CCDC88C: variants seen among roughly 807,000 people sequenced by gnomAD.
CCDC88C encodes coiled-coil and HOOK domain protein 88C, also known as protein Daple.
A neutral mutation model predicts 198.8 loss-of-function variants in CCDC88C; 131 were observed. The ratio of observed to expected loss-of-function variants is 0.66; its 90% CI spans 0.57 to 0.76. CCDC88C has a LOEUF of 0.76. Among genes scored for constraint, CCDC88C ranks in the 30% least tolerant of loss-of-function variants. The pLI is 0.00. For missense variants in CCDC88C, 2,553 were observed against 2,631.6 expected, an observed-to-expected ratio of 0.97 and a Z score of 0.65; for synonymous variants, 1,166 against 1,114.7, an observed-to-expected ratio of 1.05 and a Z score of -0.92.
rs549023833 is a variant in CCDC88C, at chr14:91,273,316, G to C, written c.5396C>G (p.Ala1799Gly). The change falls in exon 30 of 30, where the codon GCC becomes GGC. Residue 1799 changes from alanine to glycine, a missense_variant. Ala to Gly is a moderately conservative substitution (Grantham distance 60, BLOSUM62 0). Around this residue, in one of 2 missense-constraint regions of CCDC88C, gnomAD observed 1,293 missense variants for 1,219.6 expected, o/e 1.06. Transcript: ENST00000389857. This position sits in a 1 kb window ranked among gnomAD's most constrained non-coding sequence, Gnocchi z 5.6. ...CAGGCTGAAGGCCCGGCTCAAGGAG[G>C]CACTGCGGCTGGCAGGTGCATGGGA... ...PASHAPASRS[A>G]SLSRAFSLAS... 5.8e-6 allele frequency: 9 copies of C among 1,555,124 alleles called. No individual in the cohort carries two copies. Among genetic ancestry groups the C allele is most frequent in the Admixed American group, 1.9e-5 (1 of 52,032 alleles).
At chr14:91,375,547 C>A (rs893831432) in intron 3 of CCDC88C, among the ~76,000 whole-genome samples, 2 of 152,160 alleles carry the variant, frequency 1.3e-5, no homozygotes, top group African/African-American at 4.8e-5. Context: ...GAAGGGCAGG[C>A]GCACAGACCC....
At chr14:91,342,069 TCAACCAGTTGA>T (rs1393721109) in intron 6 of CCDC88C, 1 of 250,330 alleles carries the variant, frequency 4.0e-6, no homozygotes, top group African/African-American at 2.3e-5. Flanking sequence ...ACTCTGGGCC[TCAACCAGTTGA>T]CAGCTCTTAA....
intron 4 of CCDC88C, among the ~76,000 whole-genome samples, chr14:91,354,035 C>T (rs527983697): frequency 4.6e-5 from 7 of 152,294 alleles, no homozygotes; most frequent in African/African-American, 1.2e-4. Flanking sequence ...ATCTGTCTTG[C>T]GCCTATGGGG....
rs1323261409 is a variant in CCDC88C, at chr14:91,381,724, CTTG to C, written c.271-22016_271-22014del. Reference sequence around the variant, plus strand: ...TGGCGCGTGCATGTAATTCCAGGTACTTGGGAGGCTGAGGCAGGAGAATCGCTT... The same window carrying C: ...TGGCGCGTGCATGTAATTCCAGGTACGGAGGCTGAGGCAGGAGAATCGCTT... On this transcript the variant is annotated intron_variant, in intron 3 of 29. Coordinates refer to ENST00000389857, the MANE Select transcript of CCDC88C (RefSeq NM_001080414.4). This position sits in a 1 kb window ranked among gnomAD's most constrained non-coding sequence, Gnocchi z 4.2. Among the ~76,000 whole-genome samples the C allele has an allele frequency of 1.3e-5, 2 of 152,178 alleles. No homozygotes were observed. Among genetic ancestry groups the C allele is most frequent in the African/African-American group, 4.8e-5 (2 of 41,438 alleles).
chr14:91,405,439 C>A (rs535556356), intron 3 of CCDC88C, among the ~76,000 whole-genome samples: 1 of 152,154 alleles, frequency 6.6e-6, no homozygotes, highest in South Asian at 2.1e-4. Context: ...TCAGGACCTT[C>A]GGGGCTACTT....
At chr14:91,329,005 G>A (rs578087913) in intron 10 of CCDC88C, among the ~76,000 whole-genome samples, 3 of 152,322 alleles carry the variant, frequency 2.0e-5, no homozygotes, top group South Asian at 4.1e-4. Context: ...GGGGGCCATA[G>A]CAGCAGGAGG....
At position 91,347,884 on chromosome 14, in the gene CCDC88C, C is replaced by T. The variant is rs369353442; in HGVS notation, c.341-4227G>A. ...ATGCTGCTATAAAGACACATGCACA[C>T]GTACGTTTATAGTGGCACTATTCAC... On this transcript the variant is annotated intron_variant, in intron 4 of 29. Coordinates refer to ENST00000389857, the MANE Select transcript of CCDC88C (RefSeq NM_001080414.4). Among the ~76,000 whole-genome samples the T allele has an allele frequency of 2.0e-4, 31 of 152,294 alleles. No individual in the cohort carries two copies. The South Asian group carries it at 6.2e-3, about 31-fold the overall frequency.
In CCDC88C at chr14:91,297,317, GTC is replaced by G. The variant is rs774388939; in HGVS notation, c.3952_3953del (p.Asp1318GlnfsTer4). 2 of 1,613,216 alleles carry G rather than the reference GTC, an allele frequency of 1.2e-6. No individual in the cohort carries two copies. The highest frequency in any genetic ancestry group is 2.2e-5 in the South Asian group (2 of 90,850). Reference sequence around the variant, plus strand: ...GCGCTGGCCTCACCTCACAGTGGTTGTCCAGCTTGGTCAGCGAGATGTCCATG... The same window carrying G: ...GCGCTGGCCTCACCTCACAGTGGTTGCAGCTTGGTCAGCGAGATGTCCATG... ...QTMDISLTKL[D>X]NHCELLSRLK... On this transcript the variant is annotated frameshift_variant, in exon 22 of 30. Transcript: ENST00000389857. LOFTEE classifies it high-confidence loss of function.
chr14:91,282,011 C>G (rs560691685), intron 26 of CCDC88C, among the ~76,000 whole-genome samples: 43 of 152,294 alleles, frequency 2.8e-4, no homozygotes, highest in Non-Finnish European at 5.6e-4. Context: ...AGCTCCTGAC[C>G]AGAAACAGAC....
chr14:91,310,731 G>C (rs1393766426), intron 15 of CCDC88C, among the ~76,000 whole-genome samples: 1 of 152,144 alleles, frequency 6.6e-6, no homozygotes, highest in East Asian at 1.9e-4. Flanking sequence ...TTCAAAACAT[G>C]GGTGTTGAAT....
chr14:91,339,129 G>A lies in CCDC88C; in HGVS notation c.809+149C>T. 1.1e-6 allele frequency: 1 copy of A among 913,636 alleles called. No individual in the cohort carries two copies. The highest frequency in any genetic ancestry group is 1.7e-6 in the Non-Finnish European group (1 of 576,516). The allele number at this position is 913,636 out of a possible 1,614,324, so 56.6% of individuals were successfully genotyped here. A position where few individuals can be genotyped will look rare whatever the true frequency, so the allele number is the denominator to read the frequency against. On this transcript the variant is annotated intron_variant, in intron 8 of 29. Coordinates refer to ENST00000389857, the MANE Select transcript of CCDC88C (RefSeq NM_001080414.4). The surrounding 1 kb of genome is among the most constrained non-coding windows in gnomAD (Gnocchi z 5.8). ...CAGAAGGGGAGGCAGCTAGTCCGAG[G>A]TCAAAGAGTAAGCTCAGGGCAGACC...
At chr14:91,329,577 G>A (rs1043555613) in intron 10 of CCDC88C, among the ~76,000 whole-genome samples, 1 of 148,820 alleles carries the variant, frequency 6.7e-6, no homozygotes, top group Admixed American at 6.6e-5. Flanking sequence ...TCACAGGCAA[G>A]CATCAAGTCA....
intron 23 of CCDC88C, 67 bp from the exon 24 acceptor site, chr14:91,291,151 G>A (rs573110767): frequency 1.5e-5 from 14 of 912,570 alleles, no homozygotes; most frequent in African/African-American, 4.9e-5. Context: ...TTTACTCATC[G>A]GCCCAGCCTG....
At chr14:91,312,643 C>T (rs1295887137) in intron 15 of CCDC88C, among the ~76,000 whole-genome samples, 1 of 152,188 alleles carries the variant, frequency 6.6e-6, no homozygotes, top group African/African-American at 2.4e-5. Flanking sequence ...CGAGATCACG[C>T]AACAACACTC....
chr14:91,406,800 G>A (rs1391180473), intron 3 of CCDC88C, among the ~76,000 whole-genome samples: 1 of 152,202 alleles, frequency 6.6e-6, no homozygotes, highest in African/African-American at 2.4e-5. Context: ...TGGCTGTCGC[G>A]AGGGAGACGC....
chr14:91,301,891 C>T (rs1213261404), intron 20 of CCDC88C, among the ~76,000 whole-genome samples: 6 of 152,164 alleles, frequency 3.9e-5, no homozygotes, highest in Non-Finnish European at 7.4e-5. Context: ...TGTCTAGACA[C>T]AGCACCACGT....
At position 91,389,150 on chromosome 14, in the gene CCDC88C, G is replaced by A. The variant is rs1046908849; in HGVS notation, c.270+19509C>T. On this transcript the variant is annotated intron_variant, in intron 3 of 29. Transcript: ENST00000389857. Reference sequence around the variant, plus strand: ...ATTAGTTCATCTGAAGACCTGCCTGGCCCTTATGGCCTCAGCAGCTACTGG... The same window carrying A: ...ATTAGTTCATCTGAAGACCTGCCTGACCCTTATGGCCTCAGCAGCTACTGG... Among the ~76,000 whole-genome samples the A allele has an allele frequency of 5.9e-5, 9 of 152,152 alleles. No individual in the cohort carries two copies. The East Asian group carries it at 1.7e-3, about 29-fold the overall frequency.
intron 25 of CCDC88C, among the ~76,000 whole-genome samples, chr14:91,286,193 CT>C (rs1023904205): frequency 2.0e-5 from 3 of 152,176 alleles, no homozygotes; most frequent in Admixed American, 6.5e-5. Context: ...GGCCCAACTT[CT>C]CTTACTCATC....
intron 3 of CCDC88C, among the ~76,000 whole-genome samples, chr14:91,377,600 GTAT>G (rs1884515239): frequency 6.6e-6 from 1 of 152,156 alleles, no homozygotes; most frequent in Non-Finnish European, 1.5e-5. Context: ...AGGATTCACA[GTAT>G]AATCATTATG....
Sources: gnomAD v4.1 joint callset for allele counts (sites outside exome capture counted in the v4.1 genomes callset) on GRCh38, gnomAD v4.1.1 for gene constraint, gnomAD v4.1.1 regional missense constraint, Gnocchi (gnomAD v3.1) non-coding constraint, MANE v1.5 for transcripts, NCBI Gene and HGNC (gene_info 2026-07-23, HGNC 2026-07-21) for gene names.